The following KCNQ1 variants were observed in gnomAD, a reference collection of about 807,000 sequenced individuals.
KCNQ1 encodes the protein potassium voltage-gated channel subfamily Q member 1.
In KCNQ1, 49 loss-of-function variants were observed where a neutral mutation model predicts 72.4. The observed-to-expected ratio is 0.68, with a 90% CI of 0.54 to 0.86. The LOEUF (loss-of-function observed/expected upper bound fraction) is 0.86, where lower values mean the gene tolerates loss of function less well. KCNQ1 is among the 40% of genes least tolerant of loss of function. The pLI is 0.00. For synonymous variants in KCNQ1, 450 were observed against 412.6 expected (o/e 1.09, Z -1.10); for missense variants, 790 against 945.1 (o/e 0.84, Z 2.15).
intron 2 of KCNQ1, among the ~76,000 whole-genome samples, chr11:2,561,088 G>C (rs1314475010): frequency 2.0e-5 from 3 of 151,570 alleles, no homozygotes; most frequent in Non-Finnish European, 4.4e-5. Flanking sequence ...TGTAGTCCCA[G>C]CTACTCGGGA....
At chr11:2,622,137 A>G in intron 10 of KCNQ1, 1 of 398,352 alleles carries the variant, frequency 2.5e-6, no homozygotes, top group Non-Finnish European at 4.4e-6. Context: ...TCTACCCATT[A>G]CTGAAAGTAC....
rs1173234468 is a variant in KCNQ1, at chr11:2,830,891, T to C, written c.1795-16876T>C. Among the ~76,000 whole-genome samples the C allele has an allele frequency of 6.6e-6, 1 of 152,012 alleles. No individual in the cohort carries two copies. The highest frequency in any genetic ancestry group is 2.4e-5 in the African/African-American group (1 of 41,414). ...GCTTTCCTGTCAGGAAAATGCAGGG[T>C]TAGGAGCTGACCAGGGAGTCTTTGA... is the stretch of plus-strand genomic sequence containing the variant. On this transcript the variant is annotated intron_variant, in intron 15 of 15. Coordinates refer to ENST00000155840, the MANE Select transcript of KCNQ1 (RefSeq NM_000218.3). This position sits in a 1 kb window ranked among gnomAD's most constrained non-coding sequence, Gnocchi z 7.7.
chr11:2,532,247 C>T (rs1039056917), intron 2 of KCNQ1, among the ~76,000 whole-genome samples: 5 of 152,214 alleles, frequency 3.3e-5, no homozygotes, highest in African/African-American at 1.2e-4. Context: ...GCTGCGCTAA[C>T]CCCACAAGCT....
chr11:2,527,852 G>C, intron 1 of KCNQ1, 76 bp from the exon 2 acceptor site: 1 of 1,345,326 alleles, frequency 7.4e-7, no homozygotes, highest in Non-Finnish European at 1.1e-6. Flanking sequence ...TGAGGCCAGG[G>C]GCCCCTCCAC....
At position 2,600,481 on chromosome 11, in the gene KCNQ1, C is replaced by T. The variant is rs1848786906; in HGVS notation, c.1393+11627C>T. Among the ~76,000 whole-genome samples the T allele has an allele frequency of 1.3e-5, 2 of 152,330 alleles. No individual in the cohort carries two copies. The highest frequency in any genetic ancestry group is 4.1e-4 in the South Asian group (2 of 4,828). ...AACCCCTTTCTCTACATTATATTCA[C>T]ATAACATGTTTTTCTGAAACATCTG... On this transcript the variant is annotated intron_variant, in intron 10 of 15. Transcript: ENST00000155840. This position sits in a 1 kb window ranked among gnomAD's most constrained non-coding sequence, Gnocchi z 5.6.
chr11:2,726,909 G>A (rs1041323750), intron 11 of KCNQ1, among the ~76,000 whole-genome samples: 3 of 152,176 alleles, frequency 2.0e-5, no homozygotes, highest in Non-Finnish European at 2.9e-5. Flanking sequence ...CCCAAAAGCA[G>A]TGAGAAAGGG....
chr11:2,686,805 C>T (rs1850497288), intron 11 of KCNQ1: 1 of 398,702 alleles, frequency 2.5e-6, no homozygotes, highest in East Asian at 3.6e-5. Context: ...AGCCCCTGCT[C>T]ACCCCTAAAG....
At chr11:2,719,284 A>C (rs1851162262) in intron 11 of KCNQ1, among the ~76,000 whole-genome samples, 1 of 148,574 alleles carries the variant, frequency 6.7e-6, no homozygotes, top group South Asian at 2.1e-4. Flanking sequence ...TTGGGAGGCC[A>C]GGCGTTAGAG....
rs1467789955 is a variant in KCNQ1 at position 2,609,025 on chromosome 11, T to C, written c.1393+20171T>C. ...ACTTTATTATTTTTATATTCTATAT[T>C]TTATTTCTACTCTAATATTTATTAT... On this transcript the variant is annotated intron_variant, in intron 10 of 15. Transcript: ENST00000155840. 14 of 398,296 alleles carry C rather than the reference T, an allele frequency of 3.5e-5. No homozygotes were observed. The Admixed American group carries it at 5.7e-4, about 16-fold the overall frequency. The allele number at this position is 398,296 out of a possible 1,614,324, so 24.7% of individuals were successfully genotyped here.
rs1484584682 is a variant in KCNQ1, at chr11:2,659,962, T to C, written c.1394-1999T>C. The C allele has an allele frequency of 1.3e-5, 5 of 398,374 alleles. No homozygotes were observed. Among genetic ancestry groups the C allele is most frequent in the African/African-American group, 4.1e-5 (2 of 48,648 alleles). The allele number at this position is 398,374 out of a possible 1,614,324, so 24.7% of individuals were successfully genotyped here. A position where few individuals can be genotyped will look rare whatever the true frequency, so the allele number is the denominator to read the frequency against. On this transcript the variant is annotated intron_variant, in intron 10 of 15. Coordinates refer to ENST00000155840, the MANE Select transcript of KCNQ1 (RefSeq NM_000218.3). The surrounding 1 kb of genome is among the most constrained non-coding windows in gnomAD (Gnocchi z 4.3). The stretch of plus-strand genomic sequence containing the variant: ...CAAGTCCTTGACCTGATAGGTGATA[T>C]GCAAATATTCTTTCCAAGTCTGTGC...
In KCNQ1 at chr11:2,473,527, C is replaced by T. The variant is rs1011278919; in HGVS notation, c.386+28043C>T. Among the ~76,000 whole-genome samples, 2 of 152,198 alleles carry T rather than the reference C, an allele frequency of 1.3e-5. No homozygotes were observed. The highest frequency in any genetic ancestry group is 2.9e-5 in the Non-Finnish European group (2 of 68,036). On this transcript the variant is annotated intron_variant, in intron 1 of 15. Transcript: ENST00000155840. The surrounding 1 kb of genome is among the most constrained non-coding windows in gnomAD (Gnocchi z 6.0). ...AAGGCCGTTTCCCGTCCTGGTCCGT[C>T]GTTGAGTCCCCTGCCGTGGGACAGC... is the stretch of plus-strand genomic sequence containing the variant.
Position 2,620,184 on chromosome 11 carries a change from C to T in KCNQ1, c.1393+31330C>T, listed in dbSNP as rs976133324. 5 of 388,442 alleles carry T rather than the reference C, an allele frequency of 1.3e-5. No individual in the cohort carries two copies. The highest frequency in any genetic ancestry group is 3.7e-5 in the East Asian group (1 of 27,338). 24.1% of individuals were successfully genotyped at this position (388,442 alleles called of 1,614,324 possible). A position where few individuals can be genotyped will look rare whatever the true frequency, so the allele number is the denominator to read the frequency against. On this transcript the variant is annotated intron_variant, in intron 10 of 15. Transcript: ENST00000155840. This position sits in a 1 kb window ranked among gnomAD's most constrained non-coding sequence, Gnocchi z 4.5. ...GCTGCATCCATGTTGCTGCAAAGGA[C>T]GTAAGTTCATTCATGTATATATATA...
chr11:2,570,590 A>AGCCT (rs1848314954), intron 2 of KCNQ1, 38 bp from the exon 3 acceptor site: 1 of 1,609,234 alleles, frequency 6.2e-7, no homozygotes, highest in Admixed American at 1.7e-5. Flanking sequence ...CTCAAGGCCG[A>AGCCT]GCCTGCCTGC....
intron 11 of KCNQ1, among the ~76,000 whole-genome samples, chr11:2,732,423 G>A (rs1308027873): frequency 6.6e-6 from 1 of 152,192 alleles, no homozygotes; most frequent in Non-Finnish European, 1.5e-5. Flanking sequence ...CGCCTGGGCT[G>A]GGCAGGGGAC....
chr11:2,553,865 G>A (rs1045446266), intron 2 of KCNQ1, among the ~76,000 whole-genome samples: 4 of 151,906 alleles, frequency 2.6e-5, no homozygotes, highest in Non-Finnish European at 4.4e-5. Flanking sequence ...ACAGGCGCCC[G>A]CCACCACACC....
chr11:2,512,691 G>A (rs2133618460), intron 1 of KCNQ1, among the ~76,000 whole-genome samples: 1 of 152,300 alleles, frequency 6.6e-6, no homozygotes, highest in East Asian at 1.9e-4. Context: ...GGGTGTCTGG[G>A]GCCACACTCT....
In KCNQ1 at chr11:2,798,493, C is replaced by CAGCAGACG. The variant is rs1170164360; in HGVS notation, c.1794+20457_1794+20464dup. 2.6e-5 allele frequency among the ~76,000 whole-genome samples: 4 copies of CAGCAGACG among 151,746 alleles called. No individual in the cohort carries two copies. In the East Asian group the frequency reaches 7.8e-4, roughly 29 times the overall value. ...GCTGTAGAGGGGTTTGCGGCAGCAGCAGCAGACGTTTTTAAACTAATTCAT... is the reference window on the plus strand; with the variant it reads ...GCTGTAGAGGGGTTTGCGGCAGCAGCAGCAGACGAGCAGACGTTTTTAAACTAATTCAT... On this transcript the variant is annotated intron_variant, in intron 15 of 15. Coordinates refer to ENST00000155840, the MANE Select transcript of KCNQ1 (RefSeq NM_000218.3).
At chr11:2,672,732 G>A (rs1427703080) in intron 11 of KCNQ1, 1 of 398,758 alleles carries the variant, frequency 2.5e-6, no homozygotes, top group Non-Finnish European at 4.4e-6. Flanking sequence ...CAGACTCCAA[G>A]TTCTATGCTT....
At position 2,659,054 on chromosome 11, in the gene KCNQ1, G is replaced by A; in HGVS notation, c.1394-2907G>A. The A allele has an allele frequency of 2.5e-6, 1 of 398,560 alleles. No homozygotes were observed. Among genetic ancestry groups the A allele is most frequent in the Non-Finnish European group, 4.4e-6 (1 of 226,058 alleles). The allele number at this position is 398,560 out of a possible 1,614,324, so 24.7% of individuals were successfully genotyped here. ...CCTTTCACTGCTATGTCATTTGTTT[G>A]TAACACGCTCATCATAGTCTGCTTT... On this transcript the variant is annotated intron_variant, in intron 10 of 15. Transcript: ENST00000155840. This position sits in a 1 kb window ranked among gnomAD's most constrained non-coding sequence, Gnocchi z 4.3.
Sources: allele counts gnomAD v4.1 joint callset (sites outside exome capture counted in the v4.1 genomes callset), GRCh38; gene constraint gnomAD v4.1.1; non-coding constraint Gnocchi (gnomAD v3.1); transcripts MANE v1.5; gene names NCBI Gene and HGNC (gene_info 2026-07-23, HGNC 2026-07-21).